The following CD163L1 variants were observed in gnomAD, a reference collection of about 807,000 sequenced individuals.
The protein encoded by CD163L1 is scavenger receptor cysteine-rich type 1 protein M160.
Under a neutral mutation model 165.4 loss-of-function variants are expected in CD163L1, and 124 were observed. The ratio of observed to expected loss-of-function variants is 0.75; its 90% CI spans 0.65 to 0.87. The LOEUF is 0.87. Among genes scored for constraint, CD163L1 ranks in the 40% least tolerant of loss-of-function variants. The probability of loss-of-function intolerance (pLI) is 0.00; values close to 1 mark genes in which losing one functional copy is unlikely to be tolerated. For missense variants in CD163L1, 1,525 were observed against 1,799.9 expected, an observed-to-expected ratio of 0.85 and a Z score of 2.76; for synonymous variants, 585 against 662.2, an observed-to-expected ratio of 0.88 and a Z score of 1.79.
intron 4 of CD163L1, among the ~76,000 whole-genome samples, chr12:7,412,863 G>A (rs770030208): frequency 1.2e-4 from 18 of 152,102 alleles, no homozygotes; most frequent in Admixed American, 2.6e-4. Flanking sequence ...TTGGGAGGCC[G>A]AGGCGGGTAG....
At chr12:7,329,909 C>T in the CD163L1 span, among the ~76,000 whole-genome samples, 1 of 152,152 alleles carries the variant, frequency 6.6e-6, no homozygotes, top group South Asian at 2.1e-4. Flanking sequence ...CTTTCTGCAG[C>T]AGCTTTCACA....
rs1396473356 is a variant in CD163L1 at position 7,432,855 on chromosome 12, A to C, written c.446-119T>G. The C allele has an allele frequency of 1.4e-5, 11 of 803,398 alleles. No homozygotes were observed. Among genetic ancestry groups the C allele is most frequent in the Non-Finnish European group, 2.0e-5 (11 of 540,696 alleles). 49.8% of individuals were successfully genotyped at this position (803,398 alleles called of 1,614,324 possible). ...ATGAAGTTACCAAAAATTAAAAAAA[A>C]ATAACTGAAAATACTTATAGGAGGG... On this transcript the variant is annotated intron_variant, in intron 3 of 19. Transcript: ENST00000313599. This position sits in a 1 kb window ranked among gnomAD's most constrained non-coding sequence, Gnocchi z 4.2.
At chr12:7,328,034 G>A in the CD163L1 span, among the ~76,000 whole-genome samples, 1 of 152,210 alleles carries the variant, frequency 6.6e-6, no homozygotes, top group African/African-American at 2.4e-5. Context: ...GAAAGCAATG[G>A]GGTAAAGGGA....
Position 7,396,262 on chromosome 12 carries a change from G to GGC in CD163L1, c.1882_1883insGC (p.Ser628CysfsTer54), listed in dbSNP as rs1347488990. 2.5e-6 allele frequency: 4 copies of GGC among 1,614,050 alleles called. No individual in the cohort carries two copies. The African/African-American group carries it at 5.3e-5, about 22-fold the overall frequency. On this transcript the variant is annotated frameshift_variant, in exon 8 of 20. Coordinates refer to ENST00000313599, the MANE Select transcript of CD163L1 (RefSeq NM_174941.6). LOFTEE classifies it high-confidence loss of function. ...TCCCAGACCCATGCCAATGATAGAA[G>GGC]ATGGGCAGTCCAGCTGGCTACACAC...
chr12:7,435,031 G>C (rs75036712), intron 2 of CD163L1, among the ~76,000 whole-genome samples: 16,694 of 151,774 alleles, frequency 0.11, 1,678 homozygotes, highest in African/African-American at 0.26. Context: ...CATTCTAATG[G>C]CTGTGCTCAT....
intron 4 of CD163L1, among the ~76,000 whole-genome samples, chr12:7,408,960 G>T (rs1224672237): frequency 1.3e-5 from 2 of 151,884 alleles, no homozygotes; most frequent in Non-Finnish European, 2.9e-5. Flanking sequence ...AGTCATCCAA[G>T]GGAAAAAAAG....
chr12:7,406,941 A>G, intron 4 of CD163L1, 89 bp from the exon 5 acceptor site: 1 of 1,163,504 alleles, frequency 8.6e-7, no homozygotes, highest in Non-Finnish European at 1.2e-6. Context: ...AAACACAAAT[A>G]TATAATAAAT....
Position 7,368,289 on chromosome 12 carries a change from G to T in CD163L1, c.4073-92C>A. 1.5e-6 allele frequency: 1 copy of T among 656,976 alleles called. No individual in the cohort carries two copies. 40.7% of individuals were successfully genotyped at this position (656,976 alleles called of 1,614,324 possible). A position where few individuals can be genotyped will look rare whatever the true frequency, so the allele number is the denominator to read the frequency against. On this transcript the variant is annotated intron_variant, in intron 16 of 19. Transcript: ENST00000313599. The surrounding 1 kb of genome is among the most constrained non-coding windows in gnomAD (Gnocchi z 4.3). ...AAAAAAAACTGGTTCCCTAGTTGCTGAGAAGAATAATGGCTATACATTTCA... is the reference window on the plus strand; with the variant it reads ...AAAAAAAACTGGTTCCCTAGTTGCTTAGAAGAATAATGGCTATACATTTCA...
chr12:7,403,743 A>G lies in CD163L1; in HGVS notation c.1200T>C (p.Asn400=). Residue 400 remains asparagine (N), a synonymous_variant, in exon 6 of 20, where the codon AAT becomes AAC. Coordinates refer to ENST00000313599, the MANE Select transcript of CD163L1 (RefSeq NM_174941.6). ...WWTICDQNWK[N]EQALVVCKQL... Reference sequence around the variant, plus strand: ...GCTTACAAACCACAAGGGCTTGTTCATTCTTCCAGTTCTGGTCACATATTG... The same window carrying G: ...GCTTACAAACCACAAGGGCTTGTTCGTTCTTCCAGTTCTGGTCACATATTG... The G allele has an allele frequency of 6.2e-7, 1 of 1,614,022 alleles. No homozygotes were observed. The highest frequency in any genetic ancestry group is 8.5e-7 in the Non-Finnish European group (1 of 1,179,974).
intron 4 of CD163L1, among the ~76,000 whole-genome samples, chr12:7,411,815 AG>A (rs1395126992): frequency 6.6e-6 from 1 of 152,242 alleles, no homozygotes. Context: ...TCTCCAAAGC[AG>A]GATGTATGAA....
At chr12:7,345,950 T>C (rs993197161), downstream of CD163L1, among the ~76,000 whole-genome samples, 1 of 152,148 alleles carries the variant, frequency 6.6e-6, no homozygotes, top group African/African-American at 2.4e-5. Flanking sequence ...ACTCGTTCAC[T>C]ATTACAAGGA....
chr12:7,435,295 A>G (rs985380829), intron 2 of CD163L1, among the ~76,000 whole-genome samples: 2 of 151,976 alleles, frequency 1.3e-5, no homozygotes, highest in Admixed American at 1.3e-4. Flanking sequence ...CTCTATAAAA[A>G]GTGAAAAGTC....
At chr12:7,426,915 T>C (rs751363328) in intron 4 of CD163L1, among the ~76,000 whole-genome samples, 1 of 152,238 alleles carries the variant, frequency 6.6e-6, no homozygotes, top group Non-Finnish European at 1.5e-5. Context: ...TGTGCTTATA[T>C]CTGACAAAAC....
chr12:7,423,467 A>G (rs1948478657), intron 4 of CD163L1, among the ~76,000 whole-genome samples: 1 of 152,162 alleles, frequency 6.6e-6, no homozygotes, highest in African/African-American at 2.4e-5. Context: ...AAGTCAAGAA[A>G]TAACTAAGAT....
chr12:7,358,356 C>T (rs1946822556), intron 18 of CD163L1, among the ~76,000 whole-genome samples: 1 of 152,058 alleles, frequency 6.6e-6, no homozygotes, highest in African/African-American at 2.4e-5. Context: ...TCTGTGCTTT[C>T]TATCAGGAGG....
intron 18 of CD163L1, 50 bp from the exon 19 acceptor site, chr12:7,357,536 C>T: frequency 6.6e-7 from 1 of 1,506,020 alleles, no homozygotes; most frequent in Non-Finnish European, 9.2e-7. Context: ...AACCTCTCTG[C>T]AGAGGGAAGA....
chr12:7,318,961 TA>T, the CD163L1 span, among the ~76,000 whole-genome samples: 6 of 152,196 alleles, frequency 3.9e-5, no homozygotes, highest in Non-Finnish European at 7.4e-5. Flanking sequence ...TCCCATGGAC[TA>T]GGGGGAGCGG....
the CD163L1 span, among the ~76,000 whole-genome samples, chr12:7,337,709 A>G: frequency 6.6e-6 from 1 of 152,210 alleles, no homozygotes; most frequent in Non-Finnish European, 1.5e-5. Flanking sequence ...ACGCTTTTAC[A>G]CTGTTATTAG....
At chr12:7,350,825 T>C (rs1946701651), downstream of CD163L1, among the ~76,000 whole-genome samples, 1 of 152,170 alleles carries the variant, frequency 6.6e-6, no homozygotes, top group Non-Finnish European at 1.5e-5. Flanking sequence ...TTCCTCTTTA[T>C]CCATTTAGCA....
Sources: allele counts gnomAD v4.1 joint callset (sites outside exome capture counted in the v4.1 genomes callset), GRCh38; gene constraint gnomAD v4.1.1; non-coding constraint Gnocchi (gnomAD v3.1); transcripts MANE v1.5; gene names NCBI Gene and HGNC (gene_info 2026-07-23, HGNC 2026-07-21).